Variants in LMF1 observed in about 807,000 individuals in gnomAD.
The protein encoded by LMF1 is lipase maturation factor 1, also known as transmembrane protein 112.
LMF1 carries 68 observed loss-of-function variants against 60.6 expected under a neutral mutation model. The observed-to-expected ratio is 1.12, with a 90% CI of 0.92 to 1.37. The LOEUF (loss-of-function observed/expected upper bound fraction) is 1.37. Among genes scored for constraint, LMF1 ranks in the 40% most tolerant of loss-of-function variants. The probability of loss-of-function intolerance (pLI) is 0.00; values close to 1 mark genes in which losing one functional copy is unlikely to be tolerated. For synonymous variants in LMF1, 418 were observed against 324.7 expected (o/e 1.29, Z -3.09); for missense variants, 948 against 767.2 (o/e 1.24, Z -2.78).
rs2070072149 is a variant in LMF1, at chr16:878,758, G to A, written c.897+812C>T. On this transcript the variant is annotated intron_variant, in intron 6 of 10. Coordinates refer to ENST00000262301, the MANE Select transcript of LMF1 (RefSeq NM_022773.4). The surrounding 1 kb of genome is among the most constrained non-coding windows in gnomAD (Gnocchi z 5.2). ...GCAGGGGAAGGGCGGGGGCAGGGGC[G>A]GGCAGGGCAGGGGAAGGGGCGTGGG... Among the ~76,000 whole-genome samples, 1 of 151,448 alleles carries A rather than the reference G, an allele frequency of 6.6e-6. No individual in the cohort carries two copies. The highest frequency in any genetic ancestry group is 2.4e-5 in the African/African-American group (1 of 41,124).
At position 854,077 on chromosome 16, in the gene LMF1, G is replaced by A. The variant is rs1448229450; in HGVS notation, c.*455C>T. On this transcript the variant is annotated 3_prime_UTR_variant, in exon 11 of 11. Transcript: ENST00000262301. ...CTGCCCCAGACGTGACAGGGACTTG[G>A]CTCTGAGGGTCAGGACCTGGCTGGG... 2.2e-6 allele frequency: 1 copy of A among 456,526 alleles called. No homozygotes were observed. Among genetic ancestry groups the A allele is most frequent in the East Asian group, 6.9e-5 (1 of 14,492 alleles). The allele number at this position is 456,526 out of a possible 1,614,324, so 28.3% of individuals were successfully genotyped here.
chr16:857,425 T>G (rs879346584), intron 10 of LMF1, among the ~76,000 whole-genome samples: 4 of 152,174 alleles, frequency 2.6e-5, no homozygotes, highest in Non-Finnish European at 4.4e-5. Flanking sequence ...TTTTGATGGG[T>G]GTGCAGTGGT....
chr16:976,163 G>A, intron 1 of LMF1: 1 of 453,368 alleles, frequency 2.2e-6, no homozygotes, highest in Non-Finnish European at 4.4e-6. Flanking sequence ...CCTTCTCAGA[G>A]GACCTCAGCC....
upstream of LMF1, chr16:975,885 T>C (rs1350469760): frequency 2.2e-6 from 1 of 454,064 alleles, no homozygotes; most frequent in Non-Finnish European, 4.4e-6. Context: ...AGGTTTTCCT[T>C]TGTGGCATGC....
At position 910,920 on chromosome 16, in the gene LMF1, G is replaced by A. The variant is rs1437015560; in HGVS notation, c.663+11C>T. 1 of 1,612,460 alleles carries A rather than the reference G, an allele frequency of 6.2e-7. No individual in the cohort carries two copies. On this transcript the variant is annotated intron_variant, in intron 4 of 10. Transcript: ENST00000262301. ...TATTCCCCAAACACCACGCAGAAGA[G>A]CTCCACTTACTGCTCCAAGCATGAT...
intron 5 of LMF1, among the ~76,000 whole-genome samples, chr16:891,210 C>T (rs932466360): frequency 2.0e-5 from 3 of 152,340 alleles, no homozygotes; most frequent in Middle Eastern, 3.4e-3. Context: ...GCGTCCTCGC[C>T]GGAGTGCAGC....
chr16:881,831 C>A (rs900721953), intron 5 of LMF1, among the ~76,000 whole-genome samples: 4 of 152,236 alleles, frequency 2.6e-5, no homozygotes, highest in Non-Finnish European at 5.9e-5. Flanking sequence ...AGCTCTTGGT[C>A]TGGCTTTTGG....
intron 1 of LMF1, among the ~76,000 whole-genome samples, chr16:968,124 A>G (rs1316060693): frequency 2.0e-5 from 3 of 152,226 alleles, no homozygotes; most frequent in Admixed American, 1.3e-4. Flanking sequence ...CCTCGGTGGC[A>G]GCACATGGAA....
At chr16:981,219 A>G in exon 1 of LMF1, 1 of 454,406 alleles carries the variant, frequency 2.2e-6, no homozygotes, top group Non-Finnish European at 4.4e-6. Flanking sequence ...CCTGTCCTGG[A>G]CCGCAGGCAG....
At chr16:942,274 T>C (rs1319611242) in intron 2 of LMF1, among the ~76,000 whole-genome samples, 1 of 152,248 alleles carries the variant, frequency 6.6e-6, no homozygotes, top group East Asian at 1.9e-4. Flanking sequence ...CCAGACATAT[T>C]TGAATCTTTA....
intron 2 of LMF1, among the ~76,000 whole-genome samples, chr16:950,053 A>T (rs2072400135): frequency 8.1e-6 from 1 of 123,300 alleles, no homozygotes; most frequent in Non-Finnish European, 1.6e-5. Flanking sequence ...AGAGCCAACG[A>T]CAGAGTCAGC....
At chr16:978,865 C>G (rs1488894255) in intron 1 of LMF1, among the ~76,000 whole-genome samples, 1 of 152,180 alleles carries the variant, frequency 6.6e-6, no homozygotes, top group African/African-American at 2.4e-5. Flanking sequence ...GGGTCCATCT[C>G]TTGTCATCAG....
At chr16:871,107 C>T (rs1281489412) in intron 7 of LMF1, 54 bp downstream of exon 7, 5 of 1,489,854 alleles carry the variant, frequency 3.4e-6, no homozygotes, top group South Asian at 1.3e-5. Flanking sequence ...GTGGGGCTGG[C>T]ACCACCCGAC....
At chr16:925,087 G>A (rs910280961) in intron 3 of LMF1, among the ~76,000 whole-genome samples, 16 of 152,220 alleles carry the variant, frequency 1.1e-4, no homozygotes, top group African/African-American at 2.4e-4. Flanking sequence ...TGCCCCCTGC[G>A]GAATGGGTGG....
intron 2 of LMF1, among the ~76,000 whole-genome samples, chr16:950,458 G>A (rs1451771854): frequency 2.4e-5 from 3 of 126,114 alleles, no homozygotes; most frequent in South Asian, 3.1e-4. Context: ...GTCAGCCAAC[G>A]ACAGAGTCAG....
Position 875,465 on chromosome 16 carries a change from C to T in LMF1, c.897+4105G>A, listed in dbSNP as rs983970260. The stretch of plus-strand genomic sequence containing the variant: ...AGGGTCACCTCCCCATTCCATGTCA[C>T]GGTAGCTCAGCCCTCAAGTGACTCC... On this transcript the variant is annotated intron_variant, in intron 6 of 10. Transcript: ENST00000262301. Among the ~76,000 whole-genome samples, 4 of 152,168 alleles carry T rather than the reference C, an allele frequency of 2.6e-5. No homozygotes were observed. The South Asian group carries it at 6.2e-4, about 24-fold the overall frequency.
upstream of LMF1, chr16:981,299 TGTGTGAGAGAGAGAGA>T (rs762058630): frequency 5.4e-4 from 204 of 379,048 alleles, no homozygotes; most frequent in East Asian, 1.9e-3. Flanking sequence ...TGTGTGTGTG[TGTGTGAGAGAGAGAGA>T]GAGAGAGAGA....
chr16:941,316 TC>T (rs1192404905), intron 2 of LMF1, among the ~76,000 whole-genome samples: 2 of 152,160 alleles, frequency 1.3e-5, no homozygotes, highest in Non-Finnish European at 2.9e-5. Context: ...CCTCCTGGGT[TC>T]AAGTGACTCT....
intron 1 of LMF1, among the ~76,000 whole-genome samples, chr16:966,644 C>T (rs1446153589): frequency 6.6e-6 from 1 of 152,238 alleles, no homozygotes; most frequent in African/African-American, 2.4e-5. Context: ...AGCCGTCTCC[C>T]AGGCGGGTGT....
Sources: gnomAD v4.1 joint callset for allele counts (sites outside exome capture counted in the v4.1 genomes callset) on GRCh38, gnomAD v4.1.1 for gene constraint, Gnocchi (gnomAD v3.1) non-coding constraint, MANE v1.5 for transcripts, NCBI Gene and HGNC (gene_info 2026-07-23, HGNC 2026-07-21) for gene names.